SCFD1: variants seen among roughly 807,000 people sequenced by gnomAD.
The protein encoded by SCFD1 is sec1 family domain containing 1, also known as sec1 family domain-containing protein 1.
SCFD1 carries 37 observed loss-of-function variants against 103.2 expected under a neutral mutation model. The observed-to-expected ratio is 0.36, with a 90% CI of 0.28 to 0.47. The LOEUF (loss-of-function observed/expected upper bound fraction) is 0.47, where lower values mean the gene tolerates loss of function less well. Ranked by LOEUF, SCFD1 falls within the 20% of genes least tolerant of loss-of-function variation. SCFD1 has a pLI of 1.00. For synonymous variants in SCFD1, 264 were observed against 245.0 expected, an observed-to-expected ratio of 1.08 and a Z score of -0.73; for missense variants, 639 against 761.2, an observed-to-expected ratio of 0.84 and a Z score of 1.89.
chr14:30,681,164 T>C (rs895214888), intron 14 of SCFD1, among the ~76,000 whole-genome samples: 1 of 150,012 alleles, frequency 6.7e-6, no homozygotes, highest in African/African-American at 2.5e-5. Context: ...AAGGTTGCAG[T>C]GAGCCGAGAT....
At chr14:30,637,585 A>C (rs2139034899) in intron 4 of SCFD1, among the ~76,000 whole-genome samples, 1 of 152,304 alleles carries the variant, frequency 6.6e-6, no homozygotes, top group Admixed American at 6.5e-5. Flanking sequence ...GATTTAAGGA[A>C]GTATGGTTAT....
chr14:30,644,152 C>T (rs1885572167), intron 7 of SCFD1: 1 of 327,200 alleles, frequency 3.1e-6, no homozygotes, highest in Non-Finnish European at 6.0e-6. Flanking sequence ...CCAGCTATAT[C>T]TATGTTGCTG....
chr14:30,682,489 A>T (rs1251018435), intron 14 of SCFD1, among the ~76,000 whole-genome samples: 1 of 152,246 alleles, frequency 6.6e-6, no homozygotes, highest in Non-Finnish European at 1.5e-5. Context: ...ACCGGTATGA[A>T]TTGCAACAAA....
chr14:30,716,722 G>C (rs1182234621), intron 20 of SCFD1, among the ~76,000 whole-genome samples: 1 of 152,180 alleles, frequency 6.6e-6, no homozygotes, highest in Non-Finnish European at 1.5e-5. Flanking sequence ...TTCTAAGAAA[G>C]AGTGAGAACA....
At chr14:30,668,052 A>G (rs1013912108) in intron 10 of SCFD1, among the ~76,000 whole-genome samples, 1 of 151,622 alleles carries the variant, frequency 6.6e-6, no homozygotes, top group African/African-American at 2.4e-5. Flanking sequence ...GAAAAAAACT[A>G]AAGTTCATAT....
chr14:30,717,273 T>G (rs1010156720), intron 20 of SCFD1, among the ~76,000 whole-genome samples: 1 of 152,164 alleles, frequency 6.6e-6, no homozygotes, highest in African/African-American at 2.4e-5. Flanking sequence ...TTCAGGAGTT[T>G]GAGACCAGCC....
chr14:30,630,043 A>T (rs1192728582), intron 2 of SCFD1, among the ~76,000 whole-genome samples: 1 of 152,196 alleles, frequency 6.6e-6, no homozygotes, highest in East Asian at 1.9e-4. Context: ...AAATAAGGGT[A>T]TGAACGTGAA....
At chr14:30,731,529 G>T (rs1465774047) in intron 23 of SCFD1, among the ~76,000 whole-genome samples, 1 of 152,130 alleles carries the variant, frequency 6.6e-6, no homozygotes, top group African/African-American at 2.4e-5. Flanking sequence ...TTACTTCGTT[G>T]AGCAGTGGTT....
rs189428320 is a variant in SCFD1, at chr14:30,695,788, G to A, written c.1339+919G>A. ...TTGGGAGACTGAGGTGGGAGGATCC[G>A]TTGAGCCTAGGAGTACGATGTTGCA... On this transcript the variant is annotated intron_variant, in intron 15 of 24. Transcript: ENST00000458591. Among the ~76,000 whole-genome samples the A allele has an allele frequency of 2.0e-3, 306 of 152,070 alleles. 3 individuals are homozygous for A. Among genetic ancestry groups the A allele is most frequent in the South Asian group, 7.1e-3 (34 of 4,802 alleles).
chr14:30,659,281 A>G (rs1226887291), intron 10 of SCFD1, among the ~76,000 whole-genome samples: 2 of 151,826 alleles, frequency 1.3e-5, no homozygotes, highest in African/African-American at 4.8e-5. Context: ...TATATTCAAA[A>G]TATTTGCATT....
At chr14:30,656,167 T>C (rs1184981887) in intron 10 of SCFD1, among the ~76,000 whole-genome samples, 1 of 150,748 alleles carries the variant, frequency 6.6e-6, no homozygotes, top group Non-Finnish European at 1.5e-5. Flanking sequence ...AAATGTTGAG[T>C]AGGTAGTTAC....
Position 30,672,672 on chromosome 14 carries a change from T to C in SCFD1, c.996-585T>C, listed in dbSNP as rs1367926923. Reference sequence around the variant, plus strand: ...GCAGATCACTTCTGCCTAAAGTCTATGTAAGTTACTGCTAAACCACAATGT... The same window carrying C: ...GCAGATCACTTCTGCCTAAAGTCTACGTAAGTTACTGCTAAACCACAATGT... On this transcript the variant is annotated intron_variant, in intron 11 of 24. Transcript: ENST00000458591. Among the ~76,000 whole-genome samples, 5 of 152,324 alleles carry C rather than the reference T, an allele frequency of 3.3e-5. No homozygotes were observed. In the East Asian group the frequency reaches 9.6e-4, roughly 29 times the overall value.
At chr14:30,692,691 A>G (rs779987713) in intron 14 of SCFD1, among the ~76,000 whole-genome samples, 33 of 152,234 alleles carry the variant, frequency 2.2e-4, no homozygotes, top group Non-Finnish European at 1.2e-4. Context: ...GAATAGTGAT[A>G]AAACAGAAAA....
chr14:30,659,174 T>TTTG (rs1491263307), intron 10 of SCFD1, among the ~76,000 whole-genome samples: 1 of 125,746 alleles, frequency 8.0e-6, no homozygotes, highest in Non-Finnish European at 1.7e-5. Context: ...GCTGCTATAG[T>TTTG]TTTTTTTTTT....
At chr14:30,623,794 A>C (rs1014679093) in intron 1 of SCFD1, among the ~76,000 whole-genome samples, 2 of 152,122 alleles carry the variant, frequency 1.3e-5, no homozygotes, top group South Asian at 4.1e-4. Flanking sequence ...TTTTTTATCA[A>C]ATTTTTACTG....
chr14:30,639,912 G>T, intron 6 of SCFD1, 48 bp downstream of exon 6: 1 of 1,524,658 alleles, frequency 6.6e-7, no homozygotes, highest in Non-Finnish European at 8.8e-7. Context: ...AAAATGAATG[G>T]TATACTGTAA....
At chr14:30,665,075 C>G (rs534021236) in intron 10 of SCFD1, among the ~76,000 whole-genome samples, 70 of 152,174 alleles carry the variant, frequency 4.6e-4, no homozygotes, top group Non-Finnish European at 8.2e-4. Context: ...AAGAGCAACC[C>G]CAAGACACAT....
intron 8 of SCFD1, among the ~76,000 whole-genome samples, chr14:30,650,245 G>A (rs1886273236): frequency 6.7e-6 from 1 of 148,162 alleles, no homozygotes; most frequent in Non-Finnish European, 1.5e-5. Flanking sequence ...CACCTTCCTT[G>A]ATAAAACAGT....
chr14:30,651,597 G>C (rs1186091724), intron 9 of SCFD1, among the ~76,000 whole-genome samples: 3 of 149,652 alleles, frequency 2.0e-5, no homozygotes, highest in Non-Finnish European at 4.4e-5. Context: ...ACCAACCACT[G>C]TGTCATATCT....
Sources: gnomAD v4.1 joint callset for allele counts (sites outside exome capture counted in the v4.1 genomes callset) on GRCh38, gnomAD v4.1.1 for gene constraint, MANE v1.5 for transcripts, NCBI Gene and HGNC (gene_info 2026-07-23, HGNC 2026-07-21) for gene names.